PLCB1: variants seen among roughly 807,000 people sequenced by gnomAD.
The protein encoded by PLCB1 is phospholipase C beta 1, also known as 1-phosphatidylinositol 4,5-bisphosphate phosphodiesterase beta-1.
PLCB1 carries 46 observed loss-of-function variants against 161.8 expected under a neutral mutation model. That is an observed-to-expected ratio of 0.28 (90% CI 0.22 to 0.36). PLCB1 has a LOEUF of 0.36. Among genes scored for constraint, PLCB1 ranks in the 10% least tolerant of loss-of-function variants. The pLI is 1.00. For missense variants in PLCB1, 1,016 were observed against 1,472.5 expected (o/e 0.69, Z 5.07); for synonymous variants, 517 against 503.7 (o/e 1.03, Z -0.35).
chr20:8,477,839 C>G (rs1159376769), intron 3 of PLCB1, among the ~76,000 whole-genome samples: 2 of 152,208 alleles, frequency 1.3e-5, no homozygotes, highest in Non-Finnish European at 2.9e-5. Context: ...GCAGCTCCCA[C>G]TAGGCCCCAT....
At chr20:8,174,110 T>C (rs1231510598) in intron 2 of PLCB1, among the ~76,000 whole-genome samples, 2 of 152,210 alleles carry the variant, frequency 1.3e-5, no homozygotes, top group Admixed American at 1.3e-4. Flanking sequence ...TGTCCCAAAT[T>C]TGGCAGAAAA....
intron 10 of PLCB1, among the ~76,000 whole-genome samples, chr20:8,694,703 A>G (rs1159461986): frequency 6.6e-6 from 1 of 152,222 alleles, no homozygotes; most frequent in Non-Finnish European, 1.5e-5. Context: ...AAAGTTAGTA[A>G]CATTCAACTA....
intron 3 of PLCB1, among the ~76,000 whole-genome samples, chr20:8,432,315 G>T (rs142909165): frequency 1.8e-4 from 28 of 152,278 alleles, no homozygotes; most frequent in Admixed American, 6.5e-4. Flanking sequence ...ACCAACTCCC[G>T]TGGCTCCATG....
At chr20:8,678,207 A>G (rs1051562657) in intron 9 of PLCB1, among the ~76,000 whole-genome samples, 1 of 152,236 alleles carries the variant, frequency 6.6e-6, no homozygotes, top group African/African-American at 2.4e-5. Flanking sequence ...AATAATTGTT[A>G]GGTTACTGTA....
At chr20:8,518,851 T>C (rs1426175896) in intron 3 of PLCB1, among the ~76,000 whole-genome samples, 7 of 151,888 alleles carry the variant, frequency 4.6e-5, no homozygotes, top group Non-Finnish European at 8.8e-5. Flanking sequence ...GATGGTCCCA[T>C]CTGGGGGTGA....
At chr20:8,409,619 C>T (rs1464916115) in intron 3 of PLCB1, among the ~76,000 whole-genome samples, 4 of 151,830 alleles carry the variant, frequency 2.6e-5, no homozygotes, top group African/African-American at 4.8e-5. Flanking sequence ...CCCACCACCA[C>T]GCCTGGCTAA....
At position 8,745,791 on chromosome 20, in the gene PLCB1, T is replaced by G. The variant is rs531004793; in HGVS notation, c.2523+4218T>G. On this transcript the variant is annotated intron_variant, in intron 23 of 31. Coordinates refer to ENST00000338037, the MANE Select transcript of PLCB1 (RefSeq NM_015192.4). The stretch of plus-strand genomic sequence containing the variant: ...CCTAACAAAGTATAACATTCACAGT[T>G]AATTCCTTTAAATAAAAAGTCACGT... 2.0e-4 allele frequency among the ~76,000 whole-genome samples: 31 copies of G among 152,276 alleles called. No homozygotes were observed. In the South Asian group the frequency reaches 3.3e-3, roughly 16 times the overall value.
intron 3 of PLCB1, among the ~76,000 whole-genome samples, chr20:8,478,346 T>C (rs957191633): frequency 2.0e-5 from 3 of 151,920 alleles, no homozygotes; most frequent in Non-Finnish European, 4.4e-5. Context: ...GGGAGTTTAA[T>C]AATGGAACAC....
intron 3 of PLCB1, among the ~76,000 whole-genome samples, chr20:8,576,001 A>G (rs1986662716): frequency 1.3e-5 from 2 of 152,250 alleles, no homozygotes. Context: ...ACCAATTTAT[A>G]AAAACACAGT....
At chr20:8,223,847 A>G in intron 2 of PLCB1, among the ~76,000 whole-genome samples, 1 of 152,194 alleles carries the variant, frequency 6.6e-6, no homozygotes, top group East Asian at 1.9e-4. Flanking sequence ...CTTAACTTCA[A>G]GTGGGATAAT....
chr20:8,299,969 C>T (rs1983822144), intron 2 of PLCB1, among the ~76,000 whole-genome samples: 2 of 152,294 alleles, frequency 1.3e-5, no homozygotes, highest in African/African-American at 4.8e-5. Context: ...GTAGCAACAA[C>T]AAAACCTCAC....
rs373633394 is a variant in PLCB1, at chr20:8,684,988, G to A, written c.919G>A (p.Val307Ile). The A allele has an allele frequency of 1.2e-5, 19 of 1,613,524 alleles. No individual in the cohort carries two copies. The highest frequency in any genetic ancestry group is 3.3e-5 in the Admixed American group (2 of 59,996). ...TCTGAGTGGAGAAGAAAACGGAGTC[G>A]TTTCACCTGAGAAACTGGATTTGAA... ...RYLSGEENGV[V>I]SPEKLDLNED... Residue 307 changes from valine (V) to isoleucine (I), a missense_variant, in exon 10 of 32, where the codon GTT becomes ATT. Val to Ile is a conservative substitution (Grantham distance 29). Around this residue, in one of 10 missense-constraint regions of PLCB1, gnomAD observed 117 missense variants for 142.2 expected, o/e 0.82. Transcript: ENST00000338037.
At chr20:8,402,506 A>G (rs530392620) in intron 3 of PLCB1, among the ~76,000 whole-genome samples, 3 of 152,190 alleles carry the variant, frequency 2.0e-5, no homozygotes, top group African/African-American at 7.2e-5. Context: ...TTGACATAAT[A>G]TTATGTATCC....
chr20:8,276,986 C>CTTCTTCTTCTTATTATTA (rs869194352), intron 2 of PLCB1, among the ~76,000 whole-genome samples: 15 of 93,344 alleles, frequency 1.6e-4, no homozygotes, highest in East Asian at 6.9e-4. Flanking sequence ...TCTTCTTCTT[C>CTTCTTCTTCTTATTATTA]TTATTATTAT....
At chr20:8,351,651 A>G (rs1035566188) in intron 2 of PLCB1, among the ~76,000 whole-genome samples, 18 of 152,066 alleles carry the variant, frequency 1.2e-4, no homozygotes, top group African/African-American at 3.6e-4. Context: ...AGAAGAAAAT[A>G]AATAATGTAA....
intron 2 of PLCB1, among the ~76,000 whole-genome samples, chr20:8,247,355 TCATTCATTCAA>T (rs1156676068): frequency 1.3e-5 from 2 of 151,968 alleles, no homozygotes; most frequent in Admixed American, 1.3e-4. Context: ...ATTCTCTAAC[TCATTCATTCAA>T]CATATCATTT....
chr20:8,200,894 A>G (rs1346043829), intron 2 of PLCB1, among the ~76,000 whole-genome samples: 11 of 152,076 alleles, frequency 7.2e-5, no homozygotes, highest in Admixed American at 7.2e-4. Context: ...TTCTTAACAG[A>G]TTAAGATCTG....
At chr20:8,644,049 G>A (rs1242469030) in intron 4 of PLCB1, among the ~76,000 whole-genome samples, 42 of 152,020 alleles carry the variant, frequency 2.8e-4, no homozygotes, top group African/African-American at 9.7e-4. Context: ...TGCCAGCCTC[G>A]GCATCCTGAG....
At chr20:8,750,216 C>T (rs531272884) in intron 23 of PLCB1, among the ~76,000 whole-genome samples, 1 of 152,292 alleles carries the variant, frequency 6.6e-6, no homozygotes, top group East Asian at 1.9e-4. Context: ...TGAACCCATG[C>T]TCCAGTTACC....
Sources: allele counts gnomAD v4.1 joint callset (sites outside exome capture counted in the v4.1 genomes callset), GRCh38; gene constraint gnomAD v4.1.1; regional missense constraint gnomAD v4.1.1; transcripts MANE v1.5; gene names NCBI Gene and HGNC (gene_info 2026-07-23, HGNC 2026-07-21).